Variants in SLC37A3 observed in about 807,000 individuals in gnomAD.
SLC37A3 encodes the protein sugar phosphate exchanger 3.
SLC37A3 carries 51 observed loss-of-function variants against 67.1 expected under a neutral mutation model. The ratio of observed to expected loss-of-function variants is 0.76; its 90% CI spans 0.61 to 0.96. The LOEUF (loss-of-function observed/expected upper bound fraction) is 0.96, where lower values mean the gene tolerates loss of function less well. SLC37A3 is among the 40% of genes least tolerant of loss of function. The probability of loss-of-function intolerance (pLI) is 0.00; values close to 1 mark genes in which losing one functional copy is unlikely to be tolerated. For synonymous variants in SLC37A3, 214 were observed against 231.4 expected (o/e 0.92, Z 0.68); for missense variants, 508 against 603.0 (o/e 0.84, Z 1.65).
intron 3 of SLC37A3, among the ~76,000 whole-genome samples, chr7:140,376,940 A>AT (rs34892110): frequency 0.14 from 15,133 of 110,446 alleles, 1,505 homozygotes; most frequent in African/African-American, 0.25. Flanking sequence ...CACCCAGCTA[A>AT]TTTTTTTTTT....
At chr7:140,393,367 A>C (rs1392095421) in intron 1 of SLC37A3, among the ~76,000 whole-genome samples, 1 of 152,186 alleles carries the variant, frequency 6.6e-6, no homozygotes, top group East Asian at 1.9e-4. Context: ...AGGAATCTTT[A>C]GATATTTAAC....
In SLC37A3 at chr7:140,343,410, A is replaced by G. The variant is rs766654128; in HGVS notation, c.1326+2T>C. 1 of 1,612,760 alleles carries G rather than the reference A, an allele frequency of 6.2e-7. No homozygotes were observed. Among genetic ancestry groups the G allele is most frequent in the Non-Finnish European group, 8.5e-7 (1 of 1,179,468 alleles). Reference sequence around the variant, plus strand: ...ATCCCAGCCCCTCTCCTGTTCTCTCACCTGGCCCACTGCAGCTCCAATGCT... The same window carrying G: ...ATCCCAGCCCCTCTCCTGTTCTCTCGCCTGGCCCACTGCAGCTCCAATGCT... On this transcript the variant is annotated splice_donor_variant, in intron 13 of 14. Transcript: ENST00000326232. LOFTEE classifies it high-confidence loss of function.
At chr7:140,357,490 G>A (rs746222472) in intron 6 of SLC37A3, among the ~76,000 whole-genome samples, 4 of 151,682 alleles carry the variant, frequency 2.6e-5, no homozygotes, top group Non-Finnish European at 5.9e-5. Context: ...CCAGCACTTC[G>A]GGAGGCCGAG....
chr7:140,393,871 A>G (rs779513448), intron 1 of SLC37A3, among the ~76,000 whole-genome samples: 3 of 152,130 alleles, frequency 2.0e-5, no homozygotes, highest in Non-Finnish European at 4.4e-5. Flanking sequence ...ACTGAGAACG[A>G]TCAATAAAGA....
At chr7:140,351,599 C>A (rs1796804813) in intron 8 of SLC37A3, 148 bp from the exon 9 acceptor site, 3 of 685,912 alleles carry the variant, frequency 4.4e-6, no homozygotes, top group Non-Finnish European at 2.4e-6. Flanking sequence ...CAACTAAGGT[C>A]AATTAAAGTC....
At chr7:140,356,561 T>TA (rs1554424360) in intron 6 of SLC37A3, among the ~76,000 whole-genome samples, 1 of 151,930 alleles carries the variant, frequency 6.6e-6, no homozygotes, top group Non-Finnish European at 1.5e-5. Context: ...TGCACACCTA[T>TA]AATCCCAGCT....
intron 3 of SLC37A3, among the ~76,000 whole-genome samples, chr7:140,373,050 C>G (rs1310595929): frequency 1.3e-5 from 2 of 152,150 alleles, no homozygotes; most frequent in South Asian, 2.1e-4. Context: ...CTATCGGGTT[C>G]AAGCGATTCT....
chr7:140,358,613 A>C, intron 6 of SLC37A3, 27 bp downstream of exon 6: 2 of 1,613,080 alleles, frequency 1.2e-6, no homozygotes, highest in Non-Finnish European at 1.7e-6. Flanking sequence ...TTAAACAGAG[A>C]AATTAGAGAG....
chr7:140,396,741 A>C (rs1263973558), intron 1 of SLC37A3, among the ~76,000 whole-genome samples: 1 of 152,180 alleles, frequency 6.6e-6, no homozygotes, highest in Non-Finnish European at 1.5e-5. Context: ...AACTTTTATA[A>C]AAGTATTGTT....
At chr7:140,372,110 A>G (rs1797845415) in intron 3 of SLC37A3, among the ~76,000 whole-genome samples, 1 of 152,170 alleles carries the variant, frequency 6.6e-6, no homozygotes, top group Admixed American at 6.5e-5. Context: ...TCGGCCTCCC[A>G]AAGTGCTGGG....
intron 3 of SLC37A3, among the ~76,000 whole-genome samples, chr7:140,373,414 G>A (rs1047982496): frequency 6.6e-6 from 1 of 152,120 alleles, no homozygotes; most frequent in Non-Finnish European, 1.5e-5. Flanking sequence ...TGAATGAAAC[G>A]AGCCTGTCAC....
intron 5 of SLC37A3, among the ~76,000 whole-genome samples, chr7:140,361,741 G>A (rs1488435855): frequency 2.7e-5 from 4 of 149,120 alleles, no homozygotes; most frequent in African/African-American, 4.9e-5. Context: ...TGGTGGAGAC[G>A]GGGTTTTGCT....
intron 5 of SLC37A3, among the ~76,000 whole-genome samples, chr7:140,361,565 A>C (rs1797294933): frequency 9.1e-6 from 1 of 110,146 alleles, no homozygotes; most frequent in African/African-American, 3.6e-5. Context: ...CTCTCTCTCC[A>C]CGGTCTCCTT....
chr7:140,382,070 A>G (rs536262153), intron 2 of SLC37A3, among the ~76,000 whole-genome samples: 1 of 152,044 alleles, frequency 6.6e-6, no homozygotes, highest in South Asian at 2.1e-4. Context: ...TACAAAATAA[A>G]AAAAAAAATA....
At chr7:140,383,378 G>A (rs535095339) in intron 1 of SLC37A3, among the ~76,000 whole-genome samples, 233 of 152,212 alleles carry the variant, frequency 1.5e-3, no homozygotes, top group Non-Finnish European at 2.8e-3. Context: ...GGCTGAGACA[G>A]GAAGATCCCT....
At chr7:140,387,626 A>T in intron 1 of SLC37A3, among the ~76,000 whole-genome samples, 1 of 123,270 alleles carries the variant, frequency 8.1e-6, no homozygotes, top group Non-Finnish European at 1.6e-5. Flanking sequence ...ATAAATATAT[A>T]TATTATATAA....
At chr7:140,367,093 G>A (rs1797631110) in intron 4 of SLC37A3, among the ~76,000 whole-genome samples, 1 of 151,518 alleles carries the variant, frequency 6.6e-6, no homozygotes, top group African/African-American at 2.4e-5. Context: ...AGCCAAGATT[G>A]TGCCACTGCA....
At chr7:140,363,648 C>G (rs1283731851) in intron 5 of SLC37A3, among the ~76,000 whole-genome samples, 1 of 131,852 alleles carries the variant, frequency 7.6e-6, no homozygotes. Flanking sequence ...TCCTATGACC[C>G]TGCCAAATCC....
intron 6 of SLC37A3, among the ~76,000 whole-genome samples, chr7:140,356,951 G>A (rs1188171511): frequency 1.3e-5 from 2 of 152,098 alleles, no homozygotes; most frequent in South Asian, 2.1e-4. Context: ...CAGTAGCTAC[G>A]CCTATAGTCC....
Sources: allele counts gnomAD v4.1 joint callset (sites outside exome capture counted in the v4.1 genomes callset), GRCh38; gene constraint gnomAD v4.1.1; transcripts MANE v1.5; gene names NCBI Gene and HGNC (gene_info 2026-07-23, HGNC 2026-07-21).